NUFIP1: variants seen among roughly 807,000 people sequenced by gnomAD.
NUFIP1 encodes the protein nuclear FMR1 interacting protein 1.
Under a neutral mutation model 56.2 loss-of-function variants are expected in NUFIP1, and 38 were observed. The ratio of observed to expected loss-of-function variants is 0.68; its 90% CI spans 0.52 to 0.89. The LOEUF (loss-of-function observed/expected upper bound fraction) is 0.89. Among genes scored for constraint, NUFIP1 ranks in the 40% least tolerant of loss-of-function variants. NUFIP1 has a pLI of 0.00. For synonymous variants in NUFIP1, 215 were observed against 212.4 expected (o/e 1.01, Z -0.10); for missense variants, 567 against 605.8 (o/e 0.94, Z 0.67).
At chr13:44,981,841 AAT>A (rs1872200473) in intron 2 of NUFIP1, among the ~76,000 whole-genome samples, 2 of 152,174 alleles carry the variant, frequency 1.3e-5, no homozygotes, top group African/African-American at 4.8e-5. Context: ...AAAAGTATCA[AAT>A]ATATATCTAT....
intron 8 of NUFIP1, among the ~76,000 whole-genome samples, chr13:44,947,491 G>A (rs571297458): frequency 1.3e-5 from 2 of 151,910 alleles, no homozygotes; most frequent in South Asian, 4.2e-4. Context: ...CACCTGCCTC[G>A]GCCTCCCACA....
At chr13:44,948,329 A>T (rs1026705165) in intron 8 of NUFIP1, among the ~76,000 whole-genome samples, 3 of 151,938 alleles carry the variant, frequency 2.0e-5, no homozygotes, top group African/African-American at 7.3e-5. Context: ...TTTTGTAGAG[A>T]TGGGGTTTCA....
chr13:44,968,693 TTTACTTA>T (rs1871700615), intron 5 of NUFIP1, among the ~76,000 whole-genome samples: 2 of 152,348 alleles, frequency 1.3e-5, no homozygotes, highest in African/African-American at 2.4e-5. Context: ...AATTCTCAAA[TTTACTTA>T]TTACTTAAGT....
chr13:44,967,254 G>A (rs868070449), intron 5 of NUFIP1, among the ~76,000 whole-genome samples: 7 of 151,844 alleles, frequency 4.6e-5, no homozygotes, highest in Admixed American at 1.3e-4. Context: ...GAAAGAGGCC[G>A]GGTGTGGTGG....
chr13:44,964,727 C>T (rs139347047), intron 6 of NUFIP1, among the ~76,000 whole-genome samples: 45 of 152,250 alleles, frequency 3.0e-4, no homozygotes, highest in African/African-American at 8.9e-4. Context: ...GGGAAAAAAA[C>T]GACCCAAAAG....
At chr13:44,967,274 G>A (rs535926189) in intron 5 of NUFIP1, among the ~76,000 whole-genome samples, 12 of 152,168 alleles carry the variant, frequency 7.9e-5, no homozygotes, top group African/African-American at 2.6e-4. Flanking sequence ...GCTCACGTCT[G>A]TAATCCCAGC....
At chr13:44,945,217 C>T (rs1870869051) in intron 8 of NUFIP1, among the ~76,000 whole-genome samples, 1 of 151,834 alleles carries the variant, frequency 6.6e-6, no homozygotes, top group African/African-American at 2.4e-5. Context: ...ACAGATATCA[C>T]AGGAAATATT....
intron 6 of NUFIP1, among the ~76,000 whole-genome samples, chr13:44,960,147 G>T (rs568482556): frequency 6.6e-6 from 1 of 152,152 alleles, no homozygotes; most frequent in East Asian, 1.9e-4. Flanking sequence ...GGCCAGGATG[G>T]TCTCGATCTT....
In NUFIP1 at chr13:44,941,055, G is replaced by C. The variant is rs1870715415; in HGVS notation, c.*151C>G. 3 of 514,952 alleles carry C rather than the reference G, an allele frequency of 5.8e-6. No individual in the cohort carries two copies. Among genetic ancestry groups the C allele is most frequent in the Non-Finnish European group, 1.0e-5 (3 of 285,746 alleles). 31.9% of individuals were successfully genotyped at this position (514,952 alleles called of 1,614,324 possible). A position where few individuals can be genotyped will look rare whatever the true frequency, so the allele number is the denominator to read the frequency against. ...TTTTTTTATTTGCATAGAACCAAAGGAAAGACTTAAAATTCCAACATACAT... is the reference window on the plus strand; with the variant it reads ...TTTTTTTATTTGCATAGAACCAAAGCAAAGACTTAAAATTCCAACATACAT... On this transcript the variant is annotated 3_prime_UTR_variant, in exon 10 of 10. Transcript: ENST00000379161.
chr13:44,971,480 C>T (rs1328575589), intron 5 of NUFIP1, among the ~76,000 whole-genome samples: 1 of 152,082 alleles, frequency 6.6e-6, no homozygotes, highest in Non-Finnish European at 1.5e-5. Flanking sequence ...TTGCTCAAAC[C>T]AATCCTTTAT....
chr13:44,989,038 G>A lies in NUFIP1; in HGVS notation c.399C>T (p.Ser133=), dbSNP rs768580814. The part of the protein sequence containing the change: ...SSDRFPRHQK[S]FNPAVKNSYY... The stretch of plus-strand genomic sequence containing the variant: ...AAAATAGCCTACCTGCAGGGTTGAA[G>A]GACTTCTGATGCCGAGGAAACCTAT... Residue 133 remains serine, a synonymous_variant, in exon 1 of 10, where the codon TCC becomes TCT. Transcript: ENST00000379161. The A allele has an allele frequency of 1.9e-6, 3 of 1,613,866 alleles. No homozygotes were observed. The highest frequency in any genetic ancestry group is 2.2e-5 in the East Asian group (1 of 44,882).
rs543426163 is a variant in NUFIP1 at position 44,955,002 on chromosome 13, T to C, written c.1021+4379A>G. Among the ~76,000 whole-genome samples the C allele has an allele frequency of 2.6e-5, 4 of 152,346 alleles. No individual in the cohort carries two copies. In the South Asian group the frequency reaches 8.3e-4, roughly 32 times the overall value. On this transcript the variant is annotated intron_variant, in intron 7 of 9. Transcript: ENST00000379161. ...AGGCACTTCAGTCACAGATGCTCAA[T>C]GCTACCTTACTGACCCACTTTCTTC...
intron 5 of NUFIP1, among the ~76,000 whole-genome samples, chr13:44,976,206 A>G (rs982522733): frequency 2.0e-5 from 3 of 152,214 alleles, no homozygotes; most frequent in African/African-American, 7.2e-5. Context: ...CATCGTCATC[A>G]GCTCTTTATA....
At chr13:44,943,384 G>A in intron 9 of NUFIP1, 58 bp downstream of exon 9, 1 of 1,402,528 alleles carries the variant, frequency 7.1e-7, no homozygotes, top group East Asian at 2.3e-5. Context: ...ACACCCCAGT[G>A]GCTCTATCTT....
At chr13:44,971,118 A>C (rs1871790398) in intron 5 of NUFIP1, among the ~76,000 whole-genome samples, 2 of 152,226 alleles carry the variant, frequency 1.3e-5, no homozygotes, top group African/African-American at 4.8e-5. Flanking sequence ...TGAACTCTTC[A>C]GAATATATTA....
Position 44,959,561 on chromosome 13 carries a change from TC to T in NUFIP1, c.840del (p.Met281CysfsTer39), listed in dbSNP as rs759707514. ...LTTTQYGKMK[G>X]MSRHSQMAKI... Reference sequence around the variant, plus strand: ...TTTGCCATTTGTGAATGTCTGGACATCCCCTTCATCTTGCTGGAGTAAGAAA... The same window carrying T: ...TTTGCCATTTGTGAATGTCTGGACATCCCTTCATCTTGCTGGAGTAAGAAA... On this transcript the variant is annotated frameshift_variant, in exon 7 of 10. Transcript: ENST00000379161. LOFTEE classifies it high-confidence loss of function. 2 of 1,607,412 alleles carry T rather than the reference TC, an allele frequency of 1.2e-6. No individual in the cohort carries two copies. The highest frequency in any genetic ancestry group is 1.7e-6 in the Non-Finnish European group (2 of 1,177,818).
At position 44,959,479 on chromosome 13, in the gene NUFIP1, GCTCT is replaced by G. The variant is rs1257527141; in HGVS notation, c.919_922del (p.Arg307GlnfsTer12). On this transcript the variant is annotated frameshift_variant, in exon 7 of 10. Coordinates refer to ENST00000379161, the MANE Select transcript of NUFIP1 (RefSeq NM_012345.3). LOFTEE classifies it high-confidence loss of function. ...CAAGTGACTGCCTGATCCAGTGACTGCTCTCTGTCTAGAATTGTCGTTTTTCCAT... is the reference window on the plus strand; with the variant it reads ...CAAGTGACTGCCTGATCCAGTGACTGCTGTCTAGAATTGTCGTTTTTCCAT... 1 of 1,613,934 alleles carries G rather than the reference GCTCT, an allele frequency of 6.2e-7. No homozygotes were observed. Among genetic ancestry groups the G allele is most frequent in the African/African-American group, 1.3e-5 (1 of 74,914 alleles).
At chr13:44,959,756 A>G (rs1871359853) in intron 6 of NUFIP1, among the ~76,000 whole-genome samples, 182 bp from the exon 7 acceptor site, 1 of 152,160 alleles carries the variant, frequency 6.6e-6, no homozygotes, top group African/African-American at 2.4e-5. Flanking sequence ...AGCCTATGAT[A>G]GAACTTTAGA....
intron 7 of NUFIP1, among the ~76,000 whole-genome samples, chr13:44,956,853 C>G (rs925216020): frequency 6.6e-6 from 1 of 152,130 alleles, no homozygotes; most frequent in African/African-American, 2.4e-5. Context: ...TACCAGGTAC[C>G]AGTCTGTGCC....
Sources: gnomAD v4.1 joint callset for allele counts (sites outside exome capture counted in the v4.1 genomes callset) on GRCh38, gnomAD v4.1.1 for gene constraint, MANE v1.5 for transcripts, NCBI Gene and HGNC (gene_info 2026-07-23, HGNC 2026-07-21) for gene names.